The following NXPE2 variants were observed in gnomAD, a reference collection of about 807,000 sequenced individuals.
The protein encoded by NXPE2 is NXPE family member 2.
In NXPE2, 34 loss-of-function variants were observed where a neutral mutation model predicts 34.4. The observed-to-expected ratio is 0.99, with a 90% CI of 0.75 to 1.31. NXPE2 has a LOEUF of 1.31. Ranked by LOEUF, NXPE2 falls within the 40% of genes most tolerant of loss-of-function variation. The pLI is 0.00. For synonymous variants in NXPE2, 235 were observed against 231.3 expected, an observed-to-expected ratio of 1.02 and a Z score of -0.15; for missense variants, 649 against 672.5, an observed-to-expected ratio of 0.97 and a Z score of 0.39.
At chr11:114,486,164 T>C in the NXPE2 span, among the ~76,000 whole-genome samples, 6 of 152,186 alleles carry the variant, frequency 3.9e-5, no homozygotes, top group African/African-American at 1.4e-4. Context: ...TTTTATTGCC[T>C]GTGTTTTGGA....
chr11:114,607,642 G>C, the NXPE2 span, among the ~76,000 whole-genome samples: 1 of 151,204 alleles, frequency 6.6e-6, no homozygotes, highest in Non-Finnish European at 1.5e-5. Context: ...GTTGCCTCGC[G>C]GTTAACCACT....
chr11:114,752,028 T>G, the NXPE2 span, among the ~76,000 whole-genome samples: 2 of 152,232 alleles, frequency 1.3e-5, no homozygotes, highest in African/African-American at 4.8e-5. Flanking sequence ...ACCTCTAGAC[T>G]TCTGGCCTAC....
At chr11:114,713,383 C>A in the NXPE2 span, among the ~76,000 whole-genome samples, 86 of 152,204 alleles carry the variant, frequency 5.7e-4, 1 homozygote, top group African/African-American at 1.6e-3. Flanking sequence ...ATGTGGAAAT[C>A]AAGAGTATGT....
the NXPE2 span, among the ~76,000 whole-genome samples, chr11:114,534,145 A>G: frequency 2.6e-5 from 4 of 152,228 alleles, no homozygotes; most frequent in South Asian, 8.3e-4. Context: ...GCTGTTCTGC[A>G]GCCACCACTG....
chr11:114,784,306 T>C, the NXPE2 span, among the ~76,000 whole-genome samples: 3 of 152,212 alleles, frequency 2.0e-5, no homozygotes, highest in Non-Finnish European at 2.9e-5. Context: ...ACATAAAGAC[T>C]TTGGACCAGC....
At chr11:114,615,097 G>T in the NXPE2 span, among the ~76,000 whole-genome samples, 1 of 151,918 alleles carries the variant, frequency 6.6e-6, no homozygotes, top group Non-Finnish European at 1.5e-5. Context: ...AATAAGTGTT[G>T]CTTCATGGGT....
chr11:114,746,791 C>T, the NXPE2 span, among the ~76,000 whole-genome samples: 1 of 151,260 alleles, frequency 6.6e-6, no homozygotes, highest in Non-Finnish European at 1.5e-5. Context: ...GTGGAGGTTG[C>T]AGCGAGCCAA....
At chr11:114,665,540 T>G in the NXPE2 span, among the ~76,000 whole-genome samples, 393 of 152,296 alleles carry the variant, frequency 2.6e-3, 1 homozygote, top group Non-Finnish European at 3.6e-3. Context: ...GTTATGTACC[T>G]TTTAAAATAT....
At chr11:114,492,541 C>CA in the NXPE2 span, among the ~76,000 whole-genome samples, 1 of 141,436 alleles carries the variant, frequency 7.1e-6, no homozygotes, top group African/African-American at 2.6e-5. Context: ...GTTTCTTTTT[C>CA]TTTTTTTTTT....
the NXPE2 span, among the ~76,000 whole-genome samples, chr11:114,807,391 A>G: frequency 6.6e-6 from 1 of 152,224 alleles, no homozygotes; most frequent in Non-Finnish European, 1.5e-5. Flanking sequence ...AATGACACAG[A>G]CTGGCAAATT....
chr11:114,781,102 A>G, the NXPE2 span, among the ~76,000 whole-genome samples: 1,029 of 152,342 alleles, frequency 6.8e-3, 10 homozygotes, highest in Middle Eastern at 0.027. Flanking sequence ...CTTTTGACAC[A>G]TACTCCCTTA....
chr11:114,809,776 T>C, the NXPE2 span, among the ~76,000 whole-genome samples: 12,574 of 94,596 alleles, frequency 0.13, 914 homozygotes, highest in South Asian at 0.18. Flanking sequence ...CAAGGTAATT[T>C]ATAGACTCAA....
the NXPE2 span, among the ~76,000 whole-genome samples, chr11:114,719,780 AG>A: frequency 6.6e-6 from 1 of 152,156 alleles, no homozygotes; most frequent in Non-Finnish European, 1.5e-5. Context: ...GAGCCTTGAG[AG>A]GTGAGTGGGC....
the NXPE2 span, among the ~76,000 whole-genome samples, chr11:114,544,558 A>G: frequency 4.6e-5 from 7 of 152,192 alleles, no homozygotes; most frequent in African/African-American, 1.4e-4. Flanking sequence ...AGACCTCACA[A>G]TTGACAGAAA....
the NXPE2 span, among the ~76,000 whole-genome samples, chr11:114,659,000 G>A: frequency 6.6e-6 from 1 of 152,052 alleles, no homozygotes; most frequent in Non-Finnish European, 1.5e-5. Context: ...GGTGAAATAG[G>A]AACACTGAGA....
chr11:114,494,842 T>G, the NXPE2 span, among the ~76,000 whole-genome samples: 1 of 152,226 alleles, frequency 6.6e-6, no homozygotes, highest in Non-Finnish European at 1.5e-5. Context: ...CCTGTCCTTC[T>G]TGGGAAGGCT....
chr11:114,476,959 T>A, the NXPE2 span, among the ~76,000 whole-genome samples: 1 of 152,202 alleles, frequency 6.6e-6, no homozygotes, highest in East Asian at 1.9e-4. Context: ...TAAATGTACA[T>A]CTACCATATG....
the NXPE2 span, among the ~76,000 whole-genome samples, chr11:114,475,188 G>T: frequency 8.0e-6 from 1 of 125,524 alleles, no homozygotes. Flanking sequence ...ATCTTTCAAT[G>T]TTGTGAAATG....
chr11:114,466,121 G>A, the NXPE2 span, among the ~76,000 whole-genome samples: 1 of 152,120 alleles, frequency 6.6e-6, no homozygotes. Flanking sequence ...CTCAGAAGAT[G>A]TAGTCTGTAT....
Sources: allele counts gnomAD v4.1 joint callset (sites outside exome capture counted in the v4.1 genomes callset), GRCh38; gene constraint gnomAD v4.1.1; transcripts MANE v1.5; gene names NCBI Gene and HGNC (gene_info 2026-07-23, HGNC 2026-07-21).